The following TMEFF2 variants were observed in gnomAD, a reference collection of about 807,000 sequenced individuals.
TMEFF2 encodes the protein transmembrane protein with EGF like and two follistatin like domains 2.
TMEFF2 carries 28 observed loss-of-function variants against 53.8 expected under a neutral mutation model. That is an observed-to-expected ratio of 0.52 (90% CI 0.39 to 0.71). The LOEUF (loss-of-function observed/expected upper bound fraction) is 0.71. TMEFF2 is among the 30% of genes least tolerant of loss of function. The pLI, the probability that TMEFF2 is intolerant of heterozygous loss-of-function variation, is 0.00. For missense variants in TMEFF2, 353 were observed against 455.2 expected, an observed-to-expected ratio of 0.78 and a Z score of 2.04; for synonymous variants, 162 against 166.3, an observed-to-expected ratio of 0.97 and a Z score of 0.20.
At chr2:192,166,743 G>A (rs1237091166) in intron 4 of TMEFF2, among the ~76,000 whole-genome samples, 2 of 152,060 alleles carry the variant, frequency 1.3e-5, no homozygotes, top group East Asian at 1.9e-4. Context: ...TTAGGGCAGA[G>A]TTTCCCAAAG....
intron 7 of TMEFF2, among the ~76,000 whole-genome samples, chr2:191,983,189 C>T (rs938320677): frequency 3.9e-5 from 6 of 152,120 alleles, no homozygotes; most frequent in African/African-American, 1.4e-4. Flanking sequence ...GATGAACTGA[C>T]AGGCAGGTGG....
At chr2:192,155,893 G>T (rs1459925572) in intron 4 of TMEFF2, among the ~76,000 whole-genome samples, 5 of 151,886 alleles carry the variant, frequency 3.3e-5, no homozygotes, top group Non-Finnish European at 7.4e-5. Context: ...ATAGCACAGA[G>T]GAACTGAAAC....
chr2:191,962,798 T>G (rs947052629), intron 7 of TMEFF2, among the ~76,000 whole-genome samples: 3 of 152,142 alleles, frequency 2.0e-5, no homozygotes, highest in Admixed American at 2.0e-4. Flanking sequence ...GTTTGCTCTG[T>G]TTTTTGACTC....
chr2:192,123,194 G>T (rs1689598970), intron 4 of TMEFF2, among the ~76,000 whole-genome samples: 1 of 152,100 alleles, frequency 6.6e-6, no homozygotes, highest in Non-Finnish European at 1.5e-5. Flanking sequence ...GAAGTAAAAG[G>T]ATCTACTCTT....
intron 5 of TMEFF2, among the ~76,000 whole-genome samples, chr2:192,055,733 C>T (rs1292562567): frequency 7.1e-6 from 1 of 141,046 alleles, no homozygotes; most frequent in Non-Finnish European, 1.5e-5. Flanking sequence ...TGAGATCGTG[C>T]CACTGCACTC....
intron 7 of TMEFF2, among the ~76,000 whole-genome samples, chr2:191,993,283 C>T (rs977701108): frequency 7.2e-5 from 11 of 151,994 alleles, no homozygotes; most frequent in African/African-American, 2.7e-4. Flanking sequence ...TTAACTATTT[C>T]TGATTTCTTT....
At position 191,998,251 on chromosome 2, in the gene TMEFF2, ATAT is replaced by A. The variant is rs770288363; in HGVS notation, c.745+8_745+10del. 1.9e-5 allele frequency: 30 copies of A among 1,584,586 alleles called. No individual in the cohort carries two copies. The highest frequency in any genetic ancestry group is 2.6e-5 in the Non-Finnish European group (30 of 1,165,334). The stretch of plus-strand genomic sequence containing the variant: ...AAGAGCTCACATTTTGTAGAAGAAA[ATAT>A]TATGTACCTGCATAATCTGTTCTTG... On this transcript the variant is annotated splice_region_variant and intron_variant, in intron 7 of 9. Transcript: ENST00000272771.
chr2:191,999,241 T>C lies in TMEFF2; in HGVS notation c.537-33A>G, dbSNP rs113270559. 2,706 of 1,528,450 alleles carry C rather than the reference T, an allele frequency of 1.8e-3. 53 individuals are homozygous for C. In the African/African-American group the frequency reaches 0.033, roughly 19 times the overall value. The allele number at this position is 1,528,450 out of a possible 1,614,324, so 94.7% of individuals were successfully genotyped here. ...AAGAGAGAAATAAAAACATGTAACATCAATAGTGTTGTTACCACATTATAA... is the reference window on the plus strand; with the variant it reads ...AAGAGAGAAATAAAAACATGTAACACCAATAGTGTTGTTACCACATTATAA... On this transcript the variant is annotated intron_variant, in intron 5 of 9. Coordinates refer to ENST00000272771, the MANE Select transcript of TMEFF2 (RefSeq NM_016192.4).
At chr2:192,034,083 G>C (rs1274640321) in intron 5 of TMEFF2, among the ~76,000 whole-genome samples, 1 of 150,820 alleles carries the variant, frequency 6.6e-6, no homozygotes, top group African/African-American at 2.4e-5. Context: ...GCTGAGGAAG[G>C]AGAATGGCGT....
chr2:192,123,873 T>C (rs1250353662), intron 4 of TMEFF2, among the ~76,000 whole-genome samples: 3 of 152,254 alleles, frequency 2.0e-5, no homozygotes, highest in African/African-American at 7.2e-5. Flanking sequence ...ATTTGTAGAC[T>C]GATGCTGATT....
intron 7 of TMEFF2, among the ~76,000 whole-genome samples, chr2:191,960,011 G>A (rs1692227120): frequency 6.6e-6 from 1 of 152,084 alleles, no homozygotes; most frequent in Non-Finnish European, 1.5e-5. Flanking sequence ...CTCTTAGGTG[G>A]GACTATAGGC....
intron 5 of TMEFF2, among the ~76,000 whole-genome samples, chr2:192,048,026 G>A (rs185770412): frequency 3.7e-4 from 57 of 152,276 alleles, no homozygotes; most frequent in African/African-American, 1.3e-3. Context: ...ACAGACAGTG[G>A]AAATGTTTTC....
At chr2:191,974,800 T>A (rs996055350) in intron 7 of TMEFF2, among the ~76,000 whole-genome samples, 18 of 152,084 alleles carry the variant, frequency 1.2e-4, no homozygotes, top group Non-Finnish European at 1.8e-4. Flanking sequence ...AGAAGAATTG[T>A]AGTTTTTGGA....
intron 4 of TMEFF2, among the ~76,000 whole-genome samples, chr2:192,081,322 G>A (rs1688547511): frequency 2.6e-5 from 4 of 152,072 alleles, no homozygotes; most frequent in Admixed American, 1.3e-4. Context: ...TGCAGGGCAT[G>A]AAAATTTGTT....
At chr2:191,969,621 T>C (rs1300778732) in intron 7 of TMEFF2, among the ~76,000 whole-genome samples, 1 of 152,188 alleles carries the variant, frequency 6.6e-6, no homozygotes, top group Non-Finnish European at 1.5e-5. Context: ...GATGGGTTTG[T>C]GTATGTCTCC....
chr2:192,163,231 G>A (rs1413496927), intron 4 of TMEFF2, among the ~76,000 whole-genome samples: 1 of 152,120 alleles, frequency 6.6e-6, no homozygotes, highest in Non-Finnish European at 1.5e-5. Flanking sequence ...GGCAAATATA[G>A]GTAAAGCGCT....
intron 5 of TMEFF2, among the ~76,000 whole-genome samples, chr2:192,046,778 A>C (rs1464352679): frequency 6.6e-6 from 1 of 152,194 alleles, no homozygotes; most frequent in Non-Finnish European, 1.5e-5. Flanking sequence ...TTTCTGGGGA[A>C]GACAATTTTA....
intron 2 of TMEFF2, 76 bp downstream of exon 2, chr2:192,191,804 T>C: frequency 1.9e-6 from 2 of 1,063,094 alleles, no homozygotes; most frequent in Middle Eastern, 2.0e-4. Context: ...AATTTCCAAG[T>C]GATAGGCTGT....
At chr2:192,099,899 A>G (rs139479422) in intron 4 of TMEFF2, among the ~76,000 whole-genome samples, 46 of 152,152 alleles carry the variant, frequency 3.0e-4, no homozygotes, top group African/African-American at 1.1e-3. Context: ...TGGTTTTTCA[A>G]ACTGTTTTTA....
Sources: allele counts gnomAD v4.1 joint callset (sites outside exome capture counted in the v4.1 genomes callset), GRCh38; gene constraint gnomAD v4.1.1; transcripts MANE v1.5; gene names NCBI Gene and HGNC (gene_info 2026-07-23, HGNC 2026-07-21).